Variants in TRAPPC12 observed in about 807,000 individuals in gnomAD.
TRAPPC12 encodes trafficking protein particle complex subunit 12.
In TRAPPC12, 61 loss-of-function variants were observed where a neutral mutation model predicts 69.2. The ratio of observed to expected loss-of-function variants is 0.88; its 90% CI spans 0.72 to 1.09. The LOEUF (loss-of-function observed/expected upper bound fraction) is 1.09, where lower values mean the gene tolerates loss of function less well. Among genes scored for constraint, TRAPPC12 ranks in the 50% least tolerant of loss-of-function variants. The pLI, the probability that TRAPPC12 is intolerant of heterozygous loss-of-function variation, is 0.00. For synonymous variants in TRAPPC12, 469 were observed against 438.9 expected, an observed-to-expected ratio of 1.07 and a Z score of -0.86; for missense variants, 1,101 against 1,016.4, an observed-to-expected ratio of 1.08 and a Z score of -1.13.
At chr2:3,390,059 G>T (rs1197036473) in intron 2 of TRAPPC12, among the ~76,000 whole-genome samples, 2 of 152,184 alleles carry the variant, frequency 1.3e-5, no homozygotes, top group African/African-American at 2.4e-5. Flanking sequence ...TCAATCAGAG[G>T]AAAGTGCTCC....
At chr2:3,464,724 A>G (rs1390500753) in intron 8 of TRAPPC12, among the ~76,000 whole-genome samples, 3 of 152,220 alleles carry the variant, frequency 2.0e-5, no homozygotes, top group Admixed American at 1.3e-4. Context: ...ACTGTGTCCC[A>G]CGTGACTTTG....
chr2:3,479,240 T>A lies in TRAPPC12; in HGVS notation c.1987T>A (p.Cys663Ser). The A allele has an allele frequency of 6.2e-7, 1 of 1,613,940 alleles. No homozygotes were observed. The highest frequency in any genetic ancestry group is 8.5e-7 in the Non-Finnish European group (1 of 1,179,850). The change falls in exon 12 of 12, where the codon TGT becomes AGT. Residue 663 changes from cysteine (C) to serine (S), a missense_variant. Coordinates refer to ENST00000324266, the MANE Select transcript of TRAPPC12 (RefSeq NM_016030.6). ...NAVANNNAAV[C>S]LLYLGKLKDS... is the part of the protein sequence containing the mutation. ...CTAGGCCAACAACAACGCTGCCGTG[T>A]GTCTGCTCTACCTGGGCAAGCTCAA... is the stretch of plus-strand genomic sequence containing the variant.
chr2:3,435,219 G>A (rs190328386), intron 5 of TRAPPC12, among the ~76,000 whole-genome samples: 16 of 152,174 alleles, frequency 1.1e-4, no homozygotes, highest in African/African-American at 3.9e-4. Context: ...TCGCCATGTT[G>A]GCCAGGCTGG....
chr2:3,396,942 C>G (rs375243590), intron 2 of TRAPPC12, among the ~76,000 whole-genome samples: 1 of 151,596 alleles, frequency 6.6e-6, no homozygotes, highest in Non-Finnish European at 1.5e-5. Flanking sequence ...CACTGGAGCC[C>G]AGGAGTGTGA....
chr2:3,457,928 C>G, intron 7 of TRAPPC12: 1 of 1,402,882 alleles, frequency 7.1e-7, no homozygotes, highest in Non-Finnish European at 9.2e-7. Flanking sequence ...AGAAGACACG[C>G]CTTCACCACA....
At chr2:3,382,939 C>T (rs1660292215) in intron 1 of TRAPPC12, among the ~76,000 whole-genome samples, 1 of 152,088 alleles carries the variant, frequency 6.6e-6, no homozygotes, top group African/African-American at 2.4e-5. Flanking sequence ...AATAATAATA[C>T]TAATAAAATA....
chr2:3,404,264 T>C (rs1661607752), intron 3 of TRAPPC12, among the ~76,000 whole-genome samples: 1 of 152,216 alleles, frequency 6.6e-6, no homozygotes, highest in South Asian at 2.1e-4. Flanking sequence ...CCCTCTCTTC[T>C]GATTTTAAAC....
intron 5 of TRAPPC12, among the ~76,000 whole-genome samples, chr2:3,424,953 T>C (rs562048948): frequency 4.4e-4 from 67 of 152,374 alleles, no homozygotes; most frequent in Non-Finnish European, 3.8e-4. Context: ...AGTAGACGTC[T>C]GAGCTGCGCT....
rs1204445417 is a variant in TRAPPC12 at position 3,388,570 on chromosome 2, C to T, written c.947C>T (p.Thr316Met). 6.2e-7 allele frequency: 1 copy of T among 1,612,586 alleles called. No individual in the cohort carries two copies. The highest frequency in any genetic ancestry group is 1.7e-4 in the Middle Eastern group (1 of 6,060). ...RNDAWLPGEA[T>M]RGVLRAVATQ... ...GACGCCTGGCTTCCCGGCGAGGCTA[C>T]GCGTGGAGTCCTGCGGGCCGTGGCC... Residue 316 changes from threonine to methionine, a missense_variant, in exon 2 of 12, where the codon ACG becomes ATG. By Grantham distance (81) the Thr-to-Met change is moderately conservative (BLOSUM62 -1). Coordinates refer to ENST00000324266, the MANE Select transcript of TRAPPC12 (RefSeq NM_016030.6).
At position 3,427,749 on chromosome 2, in the gene TRAPPC12, C is replaced by T. The variant is rs531896166; in HGVS notation, c.1417+3086C>T. Among the ~76,000 whole-genome samples, 33 of 152,272 alleles carry T rather than the reference C, an allele frequency of 2.2e-4. 1 individual carries two copies. The highest frequency in any genetic ancestry group is 1.2e-3 in the South Asian group (6 of 4,822). On this transcript the variant is annotated intron_variant, in intron 5 of 11. Coordinates refer to ENST00000324266, the MANE Select transcript of TRAPPC12 (RefSeq NM_016030.6). ...TCTACTAAAAATACAAAAAATTAGC[C>T]GGACATGGTGGTGCACACCAGTACT...
intron 8 of TRAPPC12, among the ~76,000 whole-genome samples, chr2:3,465,259 GAGTTAGGTGC>G (rs1665745252): frequency 6.6e-6 from 1 of 152,254 alleles, no homozygotes; most frequent in Admixed American, 6.5e-5. Context: ...TCAGGAAAGA[GAGTTAGGTGC>G]AGTCCAAGTG....
intron 6 of TRAPPC12, among the ~76,000 whole-genome samples, chr2:3,447,847 C>T (rs1050104440): frequency 2.0e-4 from 31 of 152,202 alleles, no homozygotes; most frequent in African/African-American, 7.2e-4. Flanking sequence ...GGTTCTCCAG[C>T]ATGACATTCT....
intron 6 of TRAPPC12, chr2:3,456,013 C>G (rs1469769185): frequency 6.6e-6 from 1 of 152,134 alleles, no homozygotes; most frequent in African/African-American, 2.4e-5. Context: ...ATGGTAACAC[C>G]AAGCCTTTCC....
chr2:3,433,019 C>T (rs1663525091), intron 5 of TRAPPC12, among the ~76,000 whole-genome samples: 2 of 152,292 alleles, frequency 1.3e-5, no homozygotes, highest in Middle Eastern at 3.4e-3. Flanking sequence ...TCTCTTAGGA[C>T]TTTCTCACTG....
intron 9 of TRAPPC12, among the ~76,000 whole-genome samples, chr2:3,468,353 G>C (rs956047821): frequency 6.6e-6 from 1 of 152,026 alleles, no homozygotes; most frequent in Non-Finnish European, 1.5e-5. Flanking sequence ...GAACAAGACA[G>C]ACCCCGACCC....
chr2:3,442,902 C>T (rs1430111680), intron 5 of TRAPPC12, among the ~76,000 whole-genome samples: 6 of 152,232 alleles, frequency 3.9e-5, no homozygotes, highest in African/African-American at 1.2e-4. Context: ...AAGCACTTTA[C>T]TGAATCTATG....
chr2:3,396,128 G>C (rs1661115830), intron 2 of TRAPPC12, among the ~76,000 whole-genome samples: 1 of 152,074 alleles, frequency 6.6e-6, no homozygotes, highest in Admixed American at 6.5e-5. Flanking sequence ...GCCTCCCAAA[G>C]TGCTGGGATT....
rs778667888 is a variant in TRAPPC12, at chr2:3,431,071, C to T, written c.1417+6408C>T. ...AGTCTACACAGTTGCTGACTTGCAG[C>T]TCTTCACCTGGAGCTTCCAAGAGCT... On this transcript the variant is annotated intron_variant, in intron 5 of 11. Transcript: ENST00000324266. 3.9e-4 allele frequency among the ~76,000 whole-genome samples: 60 copies of T among 152,240 alleles called. 1 individual carries two copies. The highest frequency in any genetic ancestry group is 1.3e-4 in the Non-Finnish European group (9 of 68,040).
intron 3 of TRAPPC12, among the ~76,000 whole-genome samples, chr2:3,417,761 G>C (rs1466641060): frequency 6.6e-6 from 1 of 152,136 alleles, no homozygotes; most frequent in Non-Finnish European, 1.5e-5. Flanking sequence ...AATGGTCATT[G>C]GCCGGGCGTG....
Sources: gnomAD v4.1 joint callset for allele counts (sites outside exome capture counted in the v4.1 genomes callset) on GRCh38, gnomAD v4.1.1 for gene constraint, MANE v1.5 for transcripts, NCBI Gene and HGNC (gene_info 2026-07-23, HGNC 2026-07-21) for gene names.